Variants in VWA8 observed in about 807,000 individuals in gnomAD.
VWA8 encodes the protein von Willebrand factor A domain-containing protein 8.
In VWA8, 221 loss-of-function variants were observed where a neutral mutation model predicts 241.5. The observed-to-expected ratio is 0.91, with a 90% CI of 0.82 to 1.02. The LOEUF is 1.02. VWA8 is among the 50% of genes least tolerant of loss of function. VWA8 has a pLI of 0.00. For missense variants in VWA8, 2,322 were observed against 2,328.7 expected, an observed-to-expected ratio of 1.00 and a Z score of 0.06; for synonymous variants, 852 against 827.1, an observed-to-expected ratio of 1.03 and a Z score of -0.52.
intron 13 of VWA8, among the ~76,000 whole-genome samples, 172 bp from the exon 14 acceptor site, chr13:41,830,814 A>T (rs3825510): frequency 0.014 from 2,116 of 152,282 alleles, 77 homozygotes; most frequent in East Asian, 0.067. Context: ...ACACTTCGCA[A>T]AACTGTTGGT....
chr13:41,801,465 C>T (rs1485156303), intron 17 of VWA8, among the ~76,000 whole-genome samples: 1 of 152,142 alleles, frequency 6.6e-6, no homozygotes, highest in Non-Finnish European at 1.5e-5. Flanking sequence ...AATAGATTCT[C>T]CTTTAATTCC....
intron 12 of VWA8, among the ~76,000 whole-genome samples, chr13:41,855,548 T>C (rs1297689220): frequency 1.3e-5 from 2 of 151,772 alleles, no homozygotes; most frequent in Non-Finnish European, 2.9e-5. Context: ...CTCTCAAATG[T>C]ATTATATAAG....
At chr13:41,818,803 A>T (rs1466369309) in intron 15 of VWA8, among the ~76,000 whole-genome samples, 1 of 152,166 alleles carries the variant, frequency 6.6e-6, no homozygotes, top group African/African-American at 2.4e-5. Context: ...GTAGGAACTT[A>T]AAATAGTCAC....
intron 21 of VWA8, among the ~76,000 whole-genome samples, chr13:41,759,496 T>C (rs971394177): frequency 2.0e-5 from 3 of 151,706 alleles, no homozygotes; most frequent in African/African-American, 4.8e-5. Context: ...CCATTATCTC[T>C]TCAAAATATT....
At chr13:41,956,185 T>G (rs375987414) in intron 1 of VWA8, among the ~76,000 whole-genome samples, 1 of 152,204 alleles carries the variant, frequency 6.6e-6, no homozygotes, top group African/African-American at 2.4e-5. Flanking sequence ...ATGGACTGTT[T>G]AGCAGCATCA....
intron 1 of VWA8, among the ~76,000 whole-genome samples, chr13:41,958,900 C>T (rs1433363130): frequency 6.6e-6 from 1 of 152,200 alleles, no homozygotes; most frequent in African/African-American, 2.4e-5. Flanking sequence ...ACATTTACAA[C>T]TTATCTACCA....
intron 22 of VWA8, among the ~76,000 whole-genome samples, chr13:41,731,744 TC>T (rs933512263): frequency 1.3e-5 from 2 of 152,156 alleles, no homozygotes; most frequent in Admixed American, 1.3e-4. Context: ...GGGGGCAGTT[TC>T]CCCCATACTG....
At chr13:41,922,931 C>G (rs1360237477) in intron 2 of VWA8, among the ~76,000 whole-genome samples, 3 of 152,220 alleles carry the variant, frequency 2.0e-5, no homozygotes, top group African/African-American at 7.2e-5. Flanking sequence ...CATCCCATTA[C>G]TGGGTATATA....
chr13:41,860,157 C>T (rs538499665), intron 12 of VWA8, among the ~76,000 whole-genome samples: 1 of 152,116 alleles, frequency 6.6e-6, no homozygotes, highest in Non-Finnish European at 1.5e-5. Flanking sequence ...AAACATATTA[C>T]AGTTATTATA....
rs146368397 is a variant in VWA8 at position 41,816,776 on chromosome 13, C to G, written c.1870-1G>C. ...GAGCTTCCTGAGGTACATTTGGGAC[C>G]TATTTTTTGAAAGAGTTGAGGACAA... On this transcript the variant is annotated splice_acceptor_variant, in intron 15 of 44. Transcript: ENST00000379310. LOFTEE classifies it high-confidence loss of function. The G allele has an allele frequency of 1.7e-5, 27 of 1,610,972 alleles. No homozygotes were observed. Among genetic ancestry groups the G allele is most frequent in the Non-Finnish European group, 2.3e-5 (27 of 1,178,412 alleles).
chr13:41,684,988 C>T, intron 35 of VWA8, 59 bp downstream of exon 35: 3 of 1,415,576 alleles, frequency 2.1e-6, no homozygotes, highest in Non-Finnish European at 2.9e-6. Flanking sequence ...TATCCTCTAC[C>T]AAAAGGAAGC....
At chr13:41,922,488 T>G (rs940774056) in intron 2 of VWA8, among the ~76,000 whole-genome samples, 4 of 151,946 alleles carry the variant, frequency 2.6e-5, no homozygotes, top group Non-Finnish European at 4.4e-5. Context: ...ACCATCAGAG[T>G]GAACAGGCAA....
At chr13:41,776,515 G>A (rs1414393323) in intron 20 of VWA8, among the ~76,000 whole-genome samples, 3 of 152,014 alleles carry the variant, frequency 2.0e-5, no homozygotes, top group East Asian at 3.8e-4. Flanking sequence ...TCAAATAGTG[G>A]GAATTAAAGG....
chr13:41,684,971 A>G, intron 35 of VWA8, 76 bp downstream of exon 35: 1 of 1,275,680 alleles, frequency 7.8e-7, no homozygotes, highest in Admixed American at 2.2e-5. Context: ...GATAAAGATA[A>G]ATTAAATATC....
intron 37 of VWA8, among the ~76,000 whole-genome samples, chr13:41,646,422 T>C (rs2044832952): frequency 6.6e-6 from 1 of 152,226 alleles, no homozygotes; most frequent in Non-Finnish European, 1.5e-5. Context: ...ATACTACTTC[T>C]GATATTCATA....
intron 37 of VWA8, among the ~76,000 whole-genome samples, chr13:41,661,820 G>A (rs1486922731): frequency 2.6e-5 from 4 of 151,940 alleles, no homozygotes. Context: ...AATTTTATTT[G>A]CATATTGAAA....
rs1039886095 is a variant in VWA8, at chr13:41,926,907, C to T, written c.242-14739G>A. 59 of 571,814 alleles carry T rather than the reference C, an allele frequency of 1.0e-4. 1 individual carries two copies. The highest frequency in any genetic ancestry group is 7.7e-4 in the South Asian group (55 of 71,812). 35.4% of individuals were successfully genotyped at this position (571,814 alleles called of 1,614,324 possible). A position where few individuals can be genotyped will look rare whatever the true frequency, so the allele number is the denominator to read the frequency against. ...CCCTCTACCTTGGACCACAGCCAGGCTCCTTGACAAGCTTGTAGGGGAGTT... is the reference window on the plus strand; with the variant it reads ...CCCTCTACCTTGGACCACAGCCAGGTTCCTTGACAAGCTTGTAGGGGAGTT... On this transcript the variant is annotated intron_variant, in intron 2 of 44. Transcript: ENST00000379310.
intron 12 of VWA8, among the ~76,000 whole-genome samples, chr13:41,840,719 A>G (rs1165671588): frequency 2.0e-5 from 3 of 151,090 alleles, no homozygotes; most frequent in Non-Finnish European, 4.4e-5. Context: ...AGATTGCACC[A>G]CCGCACTCTA....
chr13:41,725,438 T>C (rs1466621887), intron 24 of VWA8, among the ~76,000 whole-genome samples: 1 of 152,104 alleles, frequency 6.6e-6, no homozygotes, highest in Non-Finnish European at 1.5e-5. Flanking sequence ...AAACTAGCCA[T>C]GAATGTCTAA....
Sources: gnomAD v4.1 joint callset for allele counts (sites outside exome capture counted in the v4.1 genomes callset) on GRCh38, gnomAD v4.1.1 for gene constraint, MANE v1.5 for transcripts, NCBI Gene and HGNC (gene_info 2026-07-23, HGNC 2026-07-21) for gene names.